MEIS2: variants seen among roughly 807,000 people sequenced by gnomAD.
MEIS2 encodes Meis homeobox 2, also known as homeobox protein Meis2.
MEIS2 carries 9 observed loss-of-function variants against 58.6 expected under a neutral mutation model. That is an observed-to-expected ratio of 0.15 (90% confidence interval 0.09 to 0.27). MEIS2 has a LOEUF of 0.27. MEIS2 is among the 10% of genes least tolerant of loss of function. The probability of loss-of-function intolerance (pLI) is 1.00; values close to 1 mark genes in which losing one functional copy is unlikely to be tolerated. For synonymous variants in MEIS2, 221 were observed against 228.4 expected, an observed-to-expected ratio of 0.97 and a Z score of 0.29; for missense variants, 427 against 635.0, an observed-to-expected ratio of 0.67 and a Z score of 3.52.
Position 37,099,947 on chromosome 15 carries a change from A to G in MEIS2, c.-481T>C, listed in dbSNP as rs914768688. ...TGGCTTTTTGCCACTCCAGCTGTCA[A>G]TCAAAGCCCGGAATGTCAAGGTAGT... is the stretch of plus-strand genomic sequence containing the variant. On this transcript the variant is annotated 5_prime_UTR_variant, in exon 1 of 12. Coordinates refer to ENST00000561208, the MANE Select transcript of MEIS2 (RefSeq NM_170675.5). 9 of 154,772 alleles carry G rather than the reference A, an allele frequency of 5.8e-5. No individual in the cohort carries two copies. Among genetic ancestry groups the G allele is most frequent in the African/African-American group, 1.9e-4 (8 of 41,498 alleles). The allele number at this position is 154,772 out of a possible 1,614,324, so 9.6% of individuals were successfully genotyped here.
chr15:36,980,629 C>A (rs1595862233), intron 8 of MEIS2, among the ~76,000 whole-genome samples: 1 of 152,294 alleles, frequency 6.6e-6, no homozygotes, highest in South Asian at 2.1e-4. Context: ...TGGGTGGGGA[C>A]ACAGCCAACC....
intron 8 of MEIS2, among the ~76,000 whole-genome samples, chr15:37,029,638 A>G (rs1484966733): frequency 6.6e-6 from 1 of 152,144 alleles, no homozygotes; most frequent in African/African-American, 2.4e-5. Context: ...AGCGGCTTCA[A>G]GCAGCTAGAA....
chr15:36,992,292 G>A (rs966848427), intron 8 of MEIS2, among the ~76,000 whole-genome samples: 4 of 152,060 alleles, frequency 2.6e-5, no homozygotes, highest in Middle Eastern at 3.4e-3. Flanking sequence ...AGTTCATAAT[G>A]TTGAAATTAA....
rs2060023531 is a variant in MEIS2 at position 36,984,264 on chromosome 15, A to C, written c.901-33864T>G. ...TTTTAACTTTTCACTGTTGAGTATTATGTTAGCTATAAGCTTGTCATATAT... is the reference window on the plus strand; with the variant it reads ...TTTTAACTTTTCACTGTTGAGTATTCTGTTAGCTATAAGCTTGTCATATAT... On this transcript the variant is annotated intron_variant, in intron 8 of 11. Transcript: ENST00000561208. 3.3e-5 allele frequency among the ~76,000 whole-genome samples: 5 copies of C among 152,080 alleles called. No individual in the cohort carries two copies. The South Asian group carries it at 1.0e-3, about 31-fold the overall frequency.
intron 11 of MEIS2, among the ~76,000 whole-genome samples, chr15:36,893,945 G>T (rs186623827): frequency 7.2e-5 from 11 of 152,180 alleles, no homozygotes; most frequent in Non-Finnish European, 1.5e-4. Context: ...GGTGTCTTCA[G>T]CAAAGGATAT....
chr15:37,070,746 A>T (rs1365213722), intron 7 of MEIS2, among the ~76,000 whole-genome samples: 2 of 152,116 alleles, frequency 1.3e-5, no homozygotes, highest in Non-Finnish European at 2.9e-5. Context: ...ATGCTAAAAA[A>T]ATTTATAAAA....
intron 11 of MEIS2, among the ~76,000 whole-genome samples, chr15:36,892,660 G>A (rs2055938521): frequency 6.6e-6 from 1 of 151,944 alleles, no homozygotes; most frequent in African/African-American, 2.4e-5. Flanking sequence ...GCAGTATAAT[G>A]CAACACAACA....
intron 8 of MEIS2, among the ~76,000 whole-genome samples, chr15:37,026,013 A>C (rs1210864665): frequency 6.6e-6 from 1 of 152,160 alleles, no homozygotes; most frequent in African/African-American, 2.4e-5. Flanking sequence ...ATTGAATAAT[A>C]ATGACCCCAT....
At chr15:36,928,993 T>C (rs79853941) in intron 9 of MEIS2, among the ~76,000 whole-genome samples, 103 of 152,342 alleles carry the variant, frequency 6.8e-4, no homozygotes, top group African/African-American at 2.4e-3. Flanking sequence ...TAAATGATCA[T>C]AGATTATTCC....
At chr15:36,908,811 T>A (rs2141259267) in intron 9 of MEIS2, among the ~76,000 whole-genome samples, 1 of 152,132 alleles carries the variant, frequency 6.6e-6, no homozygotes, top group Admixed American at 6.5e-5. Flanking sequence ...TGGTGGTGGA[T>A]GCCTGCAATC....
intron 7 of MEIS2, chr15:37,066,684 G>T (rs1186260842): frequency 6.6e-6 from 1 of 152,240 alleles, no homozygotes; most frequent in African/African-American, 2.4e-5. Flanking sequence ...GCATGCTAGA[G>T]TTGGAGAAAA....
chr15:36,937,122 G>T (rs2058206223), intron 9 of MEIS2, among the ~76,000 whole-genome samples: 1 of 152,176 alleles, frequency 6.6e-6, no homozygotes, highest in Non-Finnish European at 1.5e-5. Flanking sequence ...GGTGGGATAT[G>T]ATATTGGAGG....
chr15:36,901,543 G>A lies in MEIS2; in HGVS notation c.978-4857C>T, dbSNP rs1456395929. ...CAACCGTGAGCAAAGTAAGGTAAAT[G>A]AATGAGATTCATATGTTACTTAGGG... On this transcript the variant is annotated intron_variant, in intron 9 of 11. Transcript: ENST00000561208. 2.6e-5 allele frequency among the ~76,000 whole-genome samples: 4 copies of A among 152,104 alleles called. No homozygotes were observed. The South Asian group carries it at 6.2e-4, about 24-fold the overall frequency.
chr15:37,003,210 T>C (rs1175631021), intron 8 of MEIS2, among the ~76,000 whole-genome samples: 2 of 152,134 alleles, frequency 1.3e-5, no homozygotes, highest in African/African-American at 2.4e-5. Flanking sequence ...CATTCTGATT[T>C]CACTGGGCCA....
intron 8 of MEIS2, among the ~76,000 whole-genome samples, chr15:37,011,864 C>T (rs1783051280): frequency 6.6e-6 from 1 of 152,030 alleles, no homozygotes; most frequent in Non-Finnish European, 1.5e-5. Context: ...GTGATCTGCC[C>T]ACCTCAGTCT....
At chr15:36,971,275 C>T (rs1234583554) in intron 8 of MEIS2, among the ~76,000 whole-genome samples, 1 of 151,898 alleles carries the variant, frequency 6.6e-6, no homozygotes, top group African/African-American at 2.4e-5. Flanking sequence ...TATAAAACAC[C>T]TTTAAGGCAC....
intron 9 of MEIS2, among the ~76,000 whole-genome samples, chr15:36,935,601 T>C (rs1845235572): frequency 6.6e-6 from 1 of 152,158 alleles, no homozygotes; most frequent in Non-Finnish European, 1.5e-5. Flanking sequence ...AAGAAGCTCA[T>C]CATATGATCA....
At chr15:37,070,491 C>A (rs948006940) in intron 7 of MEIS2, among the ~76,000 whole-genome samples, 1 of 152,190 alleles carries the variant, frequency 6.6e-6, no homozygotes, top group Non-Finnish European at 1.5e-5. Context: ...TGTCTCTCCA[C>A]ACTTTGCAGA....
At chr15:36,953,952 C>A (rs886198742) in intron 8 of MEIS2, among the ~76,000 whole-genome samples, 8 of 152,174 alleles carry the variant, frequency 5.3e-5, no homozygotes, top group African/African-American at 1.2e-4. Flanking sequence ...TAGTCAACTT[C>A]TTTTGTGATT....
Sources: gnomAD v4.1 joint callset for allele counts (sites outside exome capture counted in the v4.1 genomes callset) on GRCh38, gnomAD v4.1.1 for gene constraint, MANE v1.5 for transcripts, NCBI Gene and HGNC (gene_info 2026-07-23, HGNC 2026-07-21) for gene names.